The following PAK3 variants were observed in gnomAD, a reference collection of about 807,000 sequenced individuals.
The protein encoded by PAK3 is serine/threonine-protein kinase PAK 3.
Under a neutral mutation model 41.0 loss-of-function variants are expected in PAK3, and 4 were observed. The ratio of observed to expected loss-of-function variants is 0.10; its 90% CI spans 0.05 to 0.22. PAK3 has a LOEUF of 0.22. Among genes scored for constraint, PAK3 ranks in the 10% least tolerant of loss-of-function variants. PAK3 has a pLI of 1.00. For synonymous variants in PAK3, 146 were observed against 139.6 expected (o/e 1.05, Z -0.32); for missense variants, 205 against 409.9 (o/e 0.50, Z 4.32).
chrX:111,213,742 C>T (rs149463406), intron 16 of PAK3, among the ~76,000 whole-genome samples: 6 of 111,656 alleles, frequency 5.4e-5, no homozygotes, highest in Admixed American at 9.5e-5. Flanking sequence ...GAGGAGGCAG[C>T]GAATGCAATT....
chrX:111,163,903 A>G (rs185152183), intron 10 of PAK3, among the ~76,000 whole-genome samples, 176 bp downstream of exon 10: 46 of 111,648 alleles, frequency 4.1e-4, no homozygotes, highest in Non-Finnish European at 2.3e-4. Flanking sequence ...TCTCCCTTCC[A>G]CTCCTAATTT....
chrX:111,024,951 C>G (rs965534986), intron 1 of PAK3, among the ~76,000 whole-genome samples: 2 of 111,410 alleles, frequency 1.8e-5, no homozygotes, highest in African/African-American at 6.5e-5. Context: ...CAAGTACTCT[C>G]TTAAACCATA....
At chrX:110,984,916 C>A (rs1200829420) in intron 1 of PAK3, among the ~76,000 whole-genome samples, 1 of 109,795 alleles carries the variant, frequency 9.1e-6, no homozygotes. Context: ...ATCGCTTGAG[C>A]CCAGGAGTTT....
intron 1 of PAK3, among the ~76,000 whole-genome samples, chrX:110,947,841 C>T (rs1464693988): frequency 9.0e-6 from 1 of 111,263 alleles, no homozygotes; most frequent in Non-Finnish European, 1.9e-5. Context: ...ACTCGCTTTA[C>T]CCCTCCAGGC....
chrX:111,146,673 C>T (rs1208370641), intron 6 of PAK3: 1 of 440,589 alleles, frequency 2.3e-6, no homozygotes, highest in Non-Finnish European at 3.7e-6. Context: ...CTTGGCTTAT[C>T]TCACTTTTTT....
At chrX:110,980,244 T>C (rs964010074) in intron 1 of PAK3, among the ~76,000 whole-genome samples, 2 of 112,154 alleles carry the variant, frequency 1.8e-5, no homozygotes, top group African/African-American at 6.5e-5. Flanking sequence ...AACATAATCA[T>C]TGGAGTAATT....
At chrX:111,205,066 G>C (rs1254202294) in intron 16 of PAK3, among the ~76,000 whole-genome samples, 1 of 107,006 alleles carries the variant, frequency 9.3e-6, no homozygotes, top group Non-Finnish European at 1.9e-5. Flanking sequence ...ATTGTATTCC[G>C]ATGTCTGTCA....
intron 1 of PAK3, among the ~76,000 whole-genome samples, chrX:111,077,757 A>G (rs1324134155): frequency 8.9e-6 from 1 of 111,894 alleles, no homozygotes; most frequent in Non-Finnish European, 1.9e-5. Flanking sequence ...GGGCAATGAT[A>G]TTTGACCTAT....
intron 11 of PAK3, among the ~76,000 whole-genome samples, chrX:111,186,252 C>T (rs1192994541): frequency 9.0e-6 from 1 of 111,603 alleles, no homozygotes; most frequent in Non-Finnish European, 1.9e-5. Flanking sequence ...TGCCCTCTCT[C>T]ACCACTCCTA....
At chrX:111,023,480 G>A (rs2092221212) in intron 1 of PAK3, among the ~76,000 whole-genome samples, 1 of 112,096 alleles carries the variant, frequency 8.9e-6, no homozygotes, top group East Asian at 2.8e-4. Flanking sequence ...GTCTTCCACA[G>A]TGGTTGAACT....
chrX:111,167,278 C>T (rs1305872084), intron 10 of PAK3, among the ~76,000 whole-genome samples: 1 of 110,883 alleles, frequency 9.0e-6, no homozygotes, highest in Non-Finnish European at 1.9e-5. Context: ...AAAAGTAGAG[C>T]AGCCTGTGCT....
intron 1 of PAK3, among the ~76,000 whole-genome samples, chrX:110,959,265 G>T (rs950962010): frequency 6.3e-5 from 7 of 111,780 alleles, no homozygotes; most frequent in Non-Finnish European, 9.4e-5. Context: ...TCCCAAAAGG[G>T]TCTATTCAGA....
At chrX:110,999,026 T>G (rs1364446591) in intron 1 of PAK3, among the ~76,000 whole-genome samples, 2 of 111,679 alleles carry the variant, frequency 1.8e-5, no homozygotes, top group African/African-American at 6.5e-5. Flanking sequence ...AGTCACTTGT[T>G]CCAGGGAGCA....
At chrX:111,043,709 G>A (rs140034715) in intron 1 of PAK3, among the ~76,000 whole-genome samples, 1 of 112,055 alleles carries the variant, frequency 8.9e-6, no homozygotes, top group African/African-American at 3.2e-5. Context: ...AGTTTTCCTA[G>A]ACAGTATAAA....
intron 1 of PAK3, among the ~76,000 whole-genome samples, chrX:110,969,293 T>C (rs1237131627): frequency 1.0e-5 from 1 of 96,609 alleles, no homozygotes; most frequent in Non-Finnish European, 2.1e-5. Context: ...TTCCACTGAC[T>C]TTTTTTTTTT....
chrX:111,083,278 G>T lies in PAK3; in HGVS notation c.-27-39799G>T, dbSNP rs1026663787. 4.5e-5 allele frequency among the ~76,000 whole-genome samples: 5 copies of T among 112,080 alleles called. No homozygotes were observed. In the East Asian group the frequency reaches 1.4e-3, roughly 32 times the overall value. ...GCACAGAAAGTCTTTTTCTTCATAAGATTTGGTATGCCATGGCTACTGGTT... is the reference window on the plus strand; with the variant it reads ...GCACAGAAAGTCTTTTTCTTCATAATATTTGGTATGCCATGGCTACTGGTT... On this transcript the variant is annotated intron_variant, in intron 1 of 14. Transcript: ENST00000425146.
intron 1 of PAK3, among the ~76,000 whole-genome samples, chrX:110,963,015 G>A (rs1210094344): frequency 9.0e-6 from 1 of 111,582 alleles, no homozygotes; most frequent in South Asian, 3.8e-4. Context: ...AGGGCTGCTG[G>A]TGCCTGTTAT....
At chrX:111,070,451 G>A (rs1480891374) in intron 1 of PAK3, among the ~76,000 whole-genome samples, 1 of 111,873 alleles carries the variant, frequency 8.9e-6, no homozygotes, top group Admixed American at 9.5e-5. Context: ...AGCCACATTT[G>A]CTGTAGAAAA....
chrX:111,133,967 T>C (rs996321954), intron 5 of PAK3, among the ~76,000 whole-genome samples: 1 of 112,017 alleles, frequency 8.9e-6, no homozygotes, highest in African/African-American at 3.2e-5. Flanking sequence ...TTCAAGAAGC[T>C]AGAAAGAGTT....
Sources: gnomAD v4.1 joint callset for allele counts (sites outside exome capture counted in the v4.1 genomes callset) on GRCh38, gnomAD v4.1.1 for gene constraint, MANE v1.5 for transcripts, NCBI Gene and HGNC (gene_info 2026-07-23, HGNC 2026-07-21) for gene names.